PLCB1: variants seen among roughly 807,000 people sequenced by gnomAD.
PLCB1 encodes phospholipase C beta 1, also known as 1-phosphatidylinositol 4,5-bisphosphate phosphodiesterase beta-1.
A neutral mutation model predicts 161.8 loss-of-function variants in PLCB1; 46 were observed. That is an observed-to-expected ratio of 0.28 (90% CI 0.22 to 0.36). The LOEUF is 0.36. Ranked by LOEUF, PLCB1 falls within the 10% of genes least tolerant of loss-of-function variation. The pLI, the probability that PLCB1 is intolerant of heterozygous loss-of-function variation, is 1.00. For synonymous variants in PLCB1, 517 were observed against 503.7 expected, an observed-to-expected ratio of 1.03 and a Z score of -0.35; for missense variants, 1,016 against 1,472.5, an observed-to-expected ratio of 0.69 and a Z score of 5.07.
chr20:8,450,993 C>A (rs1172331766), intron 3 of PLCB1, among the ~76,000 whole-genome samples: 1 of 152,176 alleles, frequency 6.6e-6, no homozygotes, highest in Non-Finnish European at 1.5e-5. Context: ...AAAATATGCA[C>A]AAATTGGCAA....
intron 2 of PLCB1, among the ~76,000 whole-genome samples, chr20:8,251,793 T>C (rs555956146): frequency 1.3e-5 from 2 of 152,040 alleles, no homozygotes; most frequent in African/African-American, 4.8e-5. Flanking sequence ...GCCTTCAGAA[T>C]TGGAACAGAT....
At chr20:8,706,932 G>C (rs1300617118) in intron 11 of PLCB1, among the ~76,000 whole-genome samples, 1 of 152,170 alleles carries the variant, frequency 6.6e-6, no homozygotes, top group Non-Finnish European at 1.5e-5. Flanking sequence ...GAGGCATTAA[G>C]TGATTTTCCC....
intron 3 of PLCB1, among the ~76,000 whole-genome samples, chr20:8,550,244 T>C (rs1227978152): frequency 1.3e-5 from 2 of 152,106 alleles, no homozygotes; most frequent in Non-Finnish European, 2.9e-5. Context: ...TTTTGAAATG[T>C]GAGGACATGA....
At chr20:8,498,257 C>T (rs1342515725) in intron 3 of PLCB1, among the ~76,000 whole-genome samples, 1 of 152,122 alleles carries the variant, frequency 6.6e-6, no homozygotes, top group Admixed American at 6.5e-5. Context: ...GCCACCACGC[C>T]CGGGTAATTT....
In PLCB1 at chr20:8,155,353, G is replaced by C. The variant is rs542527422; in HGVS notation, c.177+4982G>C. Among the ~76,000 whole-genome samples, 8 of 152,324 alleles carry C rather than the reference G, an allele frequency of 5.3e-5. No individual in the cohort carries two copies. The South Asian group carries it at 1.7e-3, about 32-fold the overall frequency. Reference sequence around the variant, plus strand: ...CATCTGCCATCTTGTTCTGCCCTGTGAATTTGCATGAGACACCATTCTGGA... The same window carrying C: ...CATCTGCCATCTTGTTCTGCCCTGTCAATTTGCATGAGACACCATTCTGGA... On this transcript the variant is annotated intron_variant, in intron 2 of 31. Transcript: ENST00000338037.
intron 3 of PLCB1, among the ~76,000 whole-genome samples, chr20:8,534,780 G>A (rs1366757681): frequency 1.3e-5 from 2 of 152,106 alleles, no homozygotes; most frequent in Non-Finnish European, 2.9e-5. Flanking sequence ...TTGCGGTGAT[G>A]GACAGGGAAA....
chr20:8,791,611 A>G (rs984675600), intron 31 of PLCB1, among the ~76,000 whole-genome samples: 3 of 151,916 alleles, frequency 2.0e-5, no homozygotes, highest in Non-Finnish European at 4.4e-5. Context: ...AAAAAAATTT[A>G]GGTAATATGG....
intron 31 of PLCB1, among the ~76,000 whole-genome samples, chr20:8,831,999 C>CTTCT (rs1190417125): frequency 1.8e-5 from 2 of 109,046 alleles, no homozygotes; most frequent in African/African-American, 7.8e-5. Flanking sequence ...TCTTTCTGTG[C>CTTCT]TTCTTTCTTT....
intron 2 of PLCB1, among the ~76,000 whole-genome samples, chr20:8,245,254 T>C (rs1980823879): frequency 6.6e-6 from 1 of 151,894 alleles, no homozygotes; most frequent in Non-Finnish European, 1.5e-5. Flanking sequence ...TCCTACTTAA[T>C]ATGTAAGCTC....
chr20:8,877,412 C>T (rs1198692481), intron 31 of PLCB1, among the ~76,000 whole-genome samples: 2 of 152,314 alleles, frequency 1.3e-5, no homozygotes, highest in East Asian at 3.9e-4. Context: ...TGATTGCCAA[C>T]AATAAAAACT....
rs776731257 is a variant in PLCB1 at position 8,632,044 on chromosome 20, T to TTTGG, written c.384+3615_384+3616insGGTT. 7.7e-3 allele frequency among the ~76,000 whole-genome samples: 570 copies of TTTGG among 74,236 alleles called. 12 individuals are homozygous for TTTGG. The highest frequency in any genetic ancestry group is 0.023 in the African/African-American group (532 of 23,276). 48.7% of individuals were successfully genotyped at this position (74,236 alleles called of 152,430 possible). A position where few individuals can be genotyped will look rare whatever the true frequency, so the allele number is the denominator to read the frequency against. Reference sequence around the variant, plus strand: ...ATATGGGTTTTTTTTGCTTTTTTTTTTTTTTTTTTTTTTTTTTTTTTTTGC... The same window carrying TTTGG: ...ATATGGGTTTTTTTTGCTTTTTTTTTTTGGTTTTTTTTTTTTTTTTTTTTTTTGC... On this transcript the variant is annotated intron_variant, in intron 4 of 31. Coordinates refer to ENST00000338037, the MANE Select transcript of PLCB1 (RefSeq NM_015192.4).
intron 3 of PLCB1, among the ~76,000 whole-genome samples, chr20:8,434,044 G>A (rs531204358): frequency 6.6e-6 from 1 of 152,224 alleles, no homozygotes; most frequent in African/African-American, 2.4e-5. Context: ...TGACTAACAT[G>A]TTTCTTTCTT....
intron 3 of PLCB1, among the ~76,000 whole-genome samples, chr20:8,432,880 T>G (rs901169142): frequency 6.6e-6 from 1 of 152,214 alleles, no homozygotes; most frequent in African/African-American, 2.4e-5. Context: ...GAGTTAAATT[T>G]AACTGAACTC....
intron 10 of PLCB1, among the ~76,000 whole-genome samples, chr20:8,692,473 T>C (rs1990500395): frequency 6.6e-6 from 1 of 152,188 alleles, no homozygotes; most frequent in Admixed American, 6.5e-5. Context: ...TTTAAGTAAA[T>C]GACATACTTA....
At chr20:8,339,134 A>G (rs1985704102) in intron 2 of PLCB1, among the ~76,000 whole-genome samples, 2 of 152,334 alleles carry the variant, frequency 1.3e-5, no homozygotes, top group Admixed American at 1.3e-4. Context: ...TCTCATGGAC[A>G]TACATTTTCA....
At chr20:8,391,785 G>GTATATATATATATATA (rs374178427) in intron 3 of PLCB1, among the ~76,000 whole-genome samples, 1 of 115,156 alleles carries the variant, frequency 8.7e-6, no homozygotes, top group African/African-American at 3.2e-5. Flanking sequence ...ATATGTGTGT[G>GTATATATATATATATA]TATATATATA....
intron 31 of PLCB1, among the ~76,000 whole-genome samples, chr20:8,807,913 G>T (rs1465443106): frequency 6.6e-6 from 1 of 152,046 alleles, no homozygotes; most frequent in Non-Finnish European, 1.5e-5. Flanking sequence ...GTGTCAAAAA[G>T]GATTGCACTG....
intron 3 of PLCB1, among the ~76,000 whole-genome samples, chr20:8,535,584 G>GC (rs1197242803): frequency 2.6e-5 from 4 of 152,132 alleles, no homozygotes; most frequent in South Asian, 4.2e-4. Context: ...TCTCAATTTT[G>GC]CCCCCCAGTG....
chr20:8,676,751 C>T (rs1990088104), intron 9 of PLCB1, among the ~76,000 whole-genome samples: 1 of 152,098 alleles, frequency 6.6e-6, no homozygotes, highest in African/African-American at 2.4e-5. Flanking sequence ...TTTTAGTCTG[C>T]CAACTTGAAA....
Sources: gnomAD v4.1 joint callset for allele counts (sites outside exome capture counted in the v4.1 genomes callset) on GRCh38, gnomAD v4.1.1 for gene constraint, MANE v1.5 for transcripts, NCBI Gene and HGNC (gene_info 2026-07-23, HGNC 2026-07-21) for gene names.